KCNIP1: variants seen among roughly 807,000 people sequenced by gnomAD.
The protein encoded by KCNIP1 is potassium voltage-gated channel interacting protein 1.
A neutral mutation model predicts 33.0 loss-of-function variants in KCNIP1; 18 were observed. The ratio of observed to expected loss-of-function variants is 0.55; its 90% CI spans 0.38 to 0.81. KCNIP1 has a LOEUF of 0.81. Ranked by LOEUF, KCNIP1 falls within the 30% of genes least tolerant of loss-of-function variation. KCNIP1 has a pLI of 0.00. For synonymous variants in KCNIP1, 93 were observed against 98.3 expected, an observed-to-expected ratio of 0.95 and a Z score of 0.32; for missense variants, 238 against 271.6, an observed-to-expected ratio of 0.88 and a Z score of 0.87.
At chr5:170,502,637 C>T (rs2113227505), upstream of KCNIP1, among the ~76,000 whole-genome samples, 1 of 152,276 alleles carries the variant, frequency 6.6e-6, no homozygotes, top group South Asian at 2.1e-4. Flanking sequence ...ACTTAAGGAC[C>T]TGCGCCCATA....
At chr5:170,505,475 T>G (rs745599703) in intron 1 of KCNIP1, among the ~76,000 whole-genome samples, 3 of 152,168 alleles carry the variant, frequency 2.0e-5, no homozygotes, top group Non-Finnish European at 4.4e-5. Context: ...TGATGGGTTT[T>G]GTTTTGTTTA....
At chr5:170,735,032 G>T (rs1402574178) in intron 7 of KCNIP1, among the ~76,000 whole-genome samples, 1 of 152,146 alleles carries the variant, frequency 6.6e-6, no homozygotes, top group Non-Finnish European at 1.5e-5. Flanking sequence ...AGATGCAGAT[G>T]CCCAGCTGAA....
At chr5:170,577,031 G>A (rs4242158) in intron 1 of KCNIP1, among the ~76,000 whole-genome samples, 58,755 of 151,958 alleles carry the variant, frequency 0.39, 11,593 homozygotes, top group East Asian at 0.54. Context: ...TCCCTCTGGT[G>A]GGGTTGATTG....
intron 1 of KCNIP1, among the ~76,000 whole-genome samples, chr5:170,393,379 G>T (rs1754666077): frequency 6.6e-6 from 1 of 152,188 alleles, no homozygotes; most frequent in Admixed American, 6.5e-5. Context: ...GCCCCTGTGT[G>T]TGCCTCTCTG....
intron 1 of KCNIP1, among the ~76,000 whole-genome samples, chr5:170,552,050 T>C (rs1345534656): frequency 1.3e-5 from 2 of 152,104 alleles, no homozygotes; most frequent in East Asian, 3.9e-4. Flanking sequence ...TTCATGCCGA[T>C]GTTCACGATG....
chr5:170,689,842 C>T lies in KCNIP1; in HGVS notation c.62-28916C>T, dbSNP rs113317742. 3.6e-3 allele frequency among the ~76,000 whole-genome samples: 544 copies of T among 152,264 alleles called. 2 individuals carry two copies. Among genetic ancestry groups the T allele is most frequent in the African/African-American group, 0.012 (499 of 41,552 alleles). On this transcript the variant is annotated intron_variant, in intron 1 of 7. Coordinates refer to ENST00000328939, the MANE Select transcript of KCNIP1 (RefSeq NM_014592.4). Reference sequence around the variant, plus strand: ...ACAATAATGCCCATCAGGCCAGGAGCCCCCTTTCTGGATTCGCTGCTTCCA... The same window carrying T: ...ACAATAATGCCCATCAGGCCAGGAGTCCCCTTTCTGGATTCGCTGCTTCCA...
chr5:170,365,599 T>G (rs1561585869), intron 1 of KCNIP1, among the ~76,000 whole-genome samples: 1 of 152,176 alleles, frequency 6.6e-6, no homozygotes, highest in Non-Finnish European at 1.5e-5. Context: ...TGGGAGGGCA[T>G]GAAGTGAGCA....
At chr5:170,469,192 C>T (rs1310211730) in intron 1 of KCNIP1, among the ~76,000 whole-genome samples, 1 of 151,870 alleles carries the variant, frequency 6.6e-6, no homozygotes, top group Non-Finnish European at 1.5e-5. Context: ...GCCAGAAGTT[C>T]AAGATCAGCC....
chr5:170,536,763 C>A (rs534250634), intron 1 of KCNIP1, among the ~76,000 whole-genome samples: 176 of 152,288 alleles, frequency 1.2e-3, no homozygotes, highest in Middle Eastern at 3.4e-3. Context: ...ATGACCTTGG[C>A]AAACAGCCTT....
intron 1 of KCNIP1, among the ~76,000 whole-genome samples, chr5:170,663,143 C>T (rs768070403): frequency 5.3e-5 from 8 of 152,186 alleles, no homozygotes; most frequent in African/African-American, 1.4e-4. Flanking sequence ...ATCCTCTCAA[C>T]GACTCCCAAG....
intron 1 of KCNIP1, among the ~76,000 whole-genome samples, chr5:170,716,964 G>A (rs1763663463): frequency 6.6e-6 from 1 of 152,158 alleles, no homozygotes; most frequent in Non-Finnish European, 1.5e-5. Flanking sequence ...ATTTTAATGT[G>A]ATTTTTGCTT....
chr5:170,633,253 G>GT, intron 1 of KCNIP1, among the ~76,000 whole-genome samples: 1 of 152,106 alleles, frequency 6.6e-6, no homozygotes, highest in Non-Finnish European at 1.5e-5. Context: ...GAGGACGCTG[G>GT]TCAGGGGAGG....
chr5:170,735,015 C>T (rs1345939414), intron 7 of KCNIP1, among the ~76,000 whole-genome samples: 1 of 152,208 alleles, frequency 6.6e-6, no homozygotes, highest in Non-Finnish European at 1.5e-5. Context: ...AGCCTGAAAC[C>T]CTCACCAGAT....
intron 1 of KCNIP1, among the ~76,000 whole-genome samples, chr5:170,601,034 G>A (rs1452210804): frequency 1.3e-5 from 2 of 152,210 alleles, no homozygotes; most frequent in Admixed American, 1.3e-4. Context: ...TAGCCTCTCT[G>A]AGTTTAATTC....
At position 170,504,277 on chromosome 5, in the gene KCNIP1, G is replaced by A. The variant is rs1322631920; in HGVS notation, c.-296G>A. On this transcript the variant is annotated 5_prime_UTR_variant, in exon 1 of 8. Transcript: ENST00000328939. The surrounding 1 kb of genome is among the most constrained non-coding windows in gnomAD (Gnocchi z 6.0). The stretch of plus-strand genomic sequence containing the variant: ...CGTGTCCAGTGCCAGGCAGGCTTCA[G>A]GGCACCGTCCTCGGCCCTGGGCGAG... 2 of 1,241,366 alleles carry A rather than the reference G, an allele frequency of 1.6e-6. No homozygotes were observed. The highest frequency in any genetic ancestry group is 4.3e-5 in the Admixed American group (1 of 23,018). The allele number at this position is 1,241,366 out of a possible 1,614,324, so 76.9% of individuals were successfully genotyped here. A position where few individuals can be genotyped will look rare whatever the true frequency, so the allele number is the denominator to read the frequency against.
intron 1 of KCNIP1, among the ~76,000 whole-genome samples, chr5:170,710,475 A>AT (rs1174714907): frequency 6.6e-5 from 10 of 151,974 alleles, no homozygotes; most frequent in African/African-American, 2.4e-4. Flanking sequence ...ACTGTATTCT[A>AT]TTTTTTCTCT....
intron 1 of KCNIP1, among the ~76,000 whole-genome samples, chr5:170,553,721 G>A (rs778698560): frequency 1.3e-5 from 2 of 152,204 alleles, no homozygotes; most frequent in African/African-American, 2.4e-5. Flanking sequence ...AAGAAGGAGA[G>A]GGCCTCAAAC....
chr5:170,378,390 G>A (rs1457970632), intron 1 of KCNIP1: 2 of 276,162 alleles, frequency 7.2e-6, no homozygotes, highest in Non-Finnish European at 1.3e-5. Context: ...GACGATCATC[G>A]TTCTCTGTGG....
At chr5:170,501,244 C>T (rs1053476961), upstream of KCNIP1, among the ~76,000 whole-genome samples, 2 of 152,034 alleles carry the variant, frequency 1.3e-5, no homozygotes, top group South Asian at 2.1e-4. Context: ...GTAGATATTC[C>T]AGGGTAAGCA....
Sources: gnomAD v4.1 joint callset for allele counts (sites outside exome capture counted in the v4.1 genomes callset) on GRCh38, gnomAD v4.1.1 for gene constraint, Gnocchi (gnomAD v3.1) non-coding constraint, MANE v1.5 for transcripts, NCBI Gene and HGNC (gene_info 2026-07-23, HGNC 2026-07-21) for gene names.